The following PLAAT5 variants were observed in gnomAD, a reference collection of about 807,000 sequenced individuals.
PLAAT5 encodes phospholipase A and acyltransferase 5, also known as Ca(2+)-independent N-acyltransferase.
PLAAT5 carries 27 observed loss-of-function variants against 27.8 expected under a neutral mutation model. The observed-to-expected ratio is 0.97, with a 90% CI of 0.72 to 1.34. PLAAT5 has a LOEUF of 1.34. PLAAT5 is among the 40% of genes most tolerant of loss of function. The probability of loss-of-function intolerance (pLI) is 0.00; values close to 1 mark genes in which losing one functional copy is unlikely to be tolerated. For synonymous variants in PLAAT5, 125 were observed against 136.1 expected (o/e 0.92, Z 0.57); for missense variants, 368 against 343.8 (o/e 1.07, Z -0.56).
intron 3 of PLAAT5, among the ~76,000 whole-genome samples, chr11:63,473,467 G>A (rs2016078064): frequency 6.6e-6 from 1 of 152,096 alleles, no homozygotes; most frequent in African/African-American, 2.4e-5. Flanking sequence ...TGACGGTCTA[G>A]AACCAAACCC....
intron 3 of PLAAT5, 30 bp downstream of exon 3, chr11:63,488,841 A>C (rs1376780939): frequency 1.4e-6 from 2 of 1,458,646 alleles, no homozygotes. Flanking sequence ...GGTTAAAGAT[A>C]GTCACTTTGA....
At chr11:63,472,384 G>C (rs1419588083) in intron 3 of PLAAT5, among the ~76,000 whole-genome samples, 1 of 152,144 alleles carries the variant, frequency 6.6e-6, no homozygotes, top group Non-Finnish European at 1.5e-5. Flanking sequence ...CCATTATATG[G>C]AGGCACCACA....
rs1196498502 is a variant in PLAAT5 at position 63,468,660 on chromosome 11, A to G, written c.346-195T>C. Among the ~76,000 whole-genome samples, 4 of 152,124 alleles carry G rather than the reference A, an allele frequency of 2.6e-5. No homozygotes were observed. The East Asian group carries it at 7.7e-4, about 29-fold the overall frequency. ...CCTCTCCTACCCCACTCACATTACT[A>G]AAGCCATCAAGGATACCCGTGCCAG... is the stretch of plus-strand genomic sequence containing the variant. On this transcript the variant is annotated intron_variant, in intron 3 of 5. Transcript: ENST00000540857.
chr11:63,468,563 T>G (rs1565208496), intron 3 of PLAAT5, 98 bp from the exon 4 acceptor site: 2 of 853,140 alleles, frequency 2.3e-6, no homozygotes, highest in Admixed American at 2.5e-5. Context: ...ATCCCCTCAG[T>G]GTGGTTCATC....
At chr11:63,479,938 AT>A (rs2016244482) in intron 3 of PLAAT5, among the ~76,000 whole-genome samples, 1 of 152,208 alleles carries the variant, frequency 6.6e-6, no homozygotes, top group South Asian at 2.1e-4. Flanking sequence ...TTGACACGTT[AT>A]GTTACTCTTG....
intron 3 of PLAAT5, among the ~76,000 whole-genome samples, chr11:63,486,000 C>A (rs533591841): frequency 3.3e-5 from 5 of 152,008 alleles, no homozygotes; most frequent in Non-Finnish European, 7.4e-5. Context: ...AGAAGATATA[C>A]AAATGGCCAA....
intron 5 of PLAAT5, among the ~76,000 whole-genome samples, chr11:63,464,956 C>A (rs1439280923): frequency 6.6e-6 from 1 of 152,076 alleles, no homozygotes; most frequent in Non-Finnish European, 1.5e-5. Context: ...GGAATGCCAG[C>A]CCAGTGGCCT....
intron 3 of PLAAT5, among the ~76,000 whole-genome samples, chr11:63,485,402 A>T (rs1003899141): frequency 1.3e-5 from 2 of 152,244 alleles, no homozygotes; most frequent in African/African-American, 2.4e-5. Context: ...TATAGTTACC[A>T]AAACAGCATG....
chr11:63,489,112 CT>C lies in PLAAT5; in HGVS notation c.240-137del, dbSNP rs2016504620. On this transcript the variant is annotated intron_variant, in intron 2 of 5. Transcript: ENST00000540857. Reference sequence around the variant, plus strand: ...AGGGAACATTTCCCCCCGTTTGTTTCTGTGAACCCATTAGCTTTCATACAAA... The same window carrying C: ...AGGGAACATTTCCCCCCGTTTGTTTCGTGAACCCATTAGCTTTCATACAAA... 5.5e-6 allele frequency: 3 copies of C among 546,246 alleles called. No homozygotes were observed. The South Asian group carries it at 8.1e-5, about 15-fold the overall frequency. 33.8% of individuals were successfully genotyped at this position (546,246 alleles called of 1,614,324 possible). A position where few individuals can be genotyped will look rare whatever the true frequency, so the allele number is the denominator to read the frequency against.
Position 63,490,868 on chromosome 11 carries a change from C to T in PLAAT5, c.148+19G>A. ...AGGACAATTGCGGATTGTCCTTCAG[C>T]CGCATTCTTGGGGCTGACCTGAGTG... On this transcript the variant is annotated intron_variant, in intron 1 of 5. Coordinates refer to ENST00000540857, the MANE Select transcript of PLAAT5 (RefSeq NM_001146729.2). 1.3e-6 allele frequency: 2 copies of T among 1,593,104 alleles called. No individual in the cohort carries two copies. The highest frequency in any genetic ancestry group is 1.1e-5 in the South Asian group (1 of 88,528).
intron 3 of PLAAT5, among the ~76,000 whole-genome samples, chr11:63,486,099 A>G (rs2016426894): frequency 6.6e-6 from 1 of 152,158 alleles, no homozygotes. Flanking sequence ...TTACTCCTCC[A>G]AAATGGCCAT....
chr11:63,468,229 G>A, intron 4 of PLAAT5, 128 bp downstream of exon 4: 1 of 721,752 alleles, frequency 1.4e-6, no homozygotes. Context: ...GTAAGCAAAG[G>A]TCCAGTCATG....
In PLAAT5 at chr11:63,466,190, T is replaced by C. The variant is rs751385656; in HGVS notation, c.637A>G (p.Ile213Val). ...IQRTKKMVNK[I>V]VQYSLIEGNC... ...CCTTCAATCAGGCTGTACTGCACGA[T>C]CTTGTTGACCATCTTTTTTGTACGC... The change falls in exon 5 of 6, where the codon ATC becomes GTC. Residue 213 changes from isoleucine to valine, a missense_variant. Ile to Val is a conservative substitution (Grantham distance 29). Transcript: ENST00000540857. The C allele has an allele frequency of 5.6e-6, 9 of 1,614,172 alleles. No homozygotes were observed. The highest frequency in any genetic ancestry group is 1.7e-5 in the Admixed American group (1 of 60,030).
At chr11:63,466,006 G>T in intron 5 of PLAAT5, 104 bp downstream of exon 5, 1 of 1,220,546 alleles carries the variant, frequency 8.2e-7, no homozygotes, top group South Asian at 1.5e-5. Flanking sequence ...CTAGTATAAC[G>T]AATAATATAA....
At chr11:63,468,024 A>G (rs551606929) in intron 4 of PLAAT5, among the ~76,000 whole-genome samples, 1 of 152,360 alleles carries the variant, frequency 6.6e-6, no homozygotes, top group South Asian at 2.1e-4. Context: ...CTCCTTGGGG[A>G]ATCCTCAGAA....
chr11:63,480,785 A>G (rs2016265340), intron 3 of PLAAT5, among the ~76,000 whole-genome samples: 1 of 152,088 alleles, frequency 6.6e-6, no homozygotes, highest in Non-Finnish European at 1.5e-5. Flanking sequence ...CATTTCATGA[A>G]GTTCTGCTAA....
chr11:63,465,859 C>T (rs2015846866), intron 5 of PLAAT5, among the ~76,000 whole-genome samples: 1 of 151,978 alleles, frequency 6.6e-6, no homozygotes, highest in African/African-American at 2.4e-5. Flanking sequence ...CCAAGGATAC[C>T]CCTCTAGTTA....
chr11:63,489,317 C>T (rs893027064), intron 2 of PLAAT5, among the ~76,000 whole-genome samples: 1 of 152,228 alleles, frequency 6.6e-6, no homozygotes, highest in Non-Finnish European at 1.5e-5. Context: ...GAGCCTTCCT[C>T]CTTTCCCTTT....
rs1202663229 is a variant in PLAAT5 at position 63,462,081 on chromosome 11, T to G, written c.*1422A>C. The G allele has an allele frequency of 6.6e-6, 1 of 152,236 alleles. No homozygotes were observed. The highest frequency in any genetic ancestry group is 1.5e-5 in the Non-Finnish European group (1 of 68,046). 9.4% of individuals were successfully genotyped at this position (152,236 alleles called of 1,614,324 possible). ...ACATCCAGTTTGTTTGATGAAAGATTAATATGGTCAATGAGCTCAAAGTCA... is the reference window on the plus strand; with the variant it reads ...ACATCCAGTTTGTTTGATGAAAGATGAATATGGTCAATGAGCTCAAAGTCA... On this transcript the variant is annotated 3_prime_UTR_variant, in exon 6 of 6. Coordinates refer to ENST00000540857, the MANE Select transcript of PLAAT5 (RefSeq NM_001146729.2).
Sources: gnomAD v4.1 joint callset for allele counts (sites outside exome capture counted in the v4.1 genomes callset) on GRCh38, gnomAD v4.1.1 for gene constraint, MANE v1.5 for transcripts, NCBI Gene and HGNC (gene_info 2026-07-23, HGNC 2026-07-21) for gene names.